The following RBFOX1 variants were observed in gnomAD, a reference collection of about 807,000 sequenced individuals.
RBFOX1 encodes RNA binding protein fox-1 homolog 1.
In RBFOX1, 8 loss-of-function variants were observed where a neutral mutation model predicts 57.7. The observed-to-expected ratio is 0.14, with a 90% confidence interval of 0.08 to 0.25. The LOEUF is 0.25. Among genes scored for constraint, RBFOX1 ranks in the 10% least tolerant of loss-of-function variants. RBFOX1 has a pLI of 1.00. For missense variants in RBFOX1, 611 were observed against 548.5 expected, an observed-to-expected ratio of 1.11 and a Z score of -1.14; for synonymous variants, 326 against 222.4, an observed-to-expected ratio of 1.47 and a Z score of -4.15.
intron 1 of RBFOX1, among the ~76,000 whole-genome samples, chr16:6,213,229 A>G (rs941824931): frequency 4.6e-5 from 7 of 151,938 alleles, no homozygotes; most frequent in Admixed American, 3.3e-4. Context: ...GGATAGCTTT[A>G]TGAGCTCTTT....
intron 3 of RBFOX1, among the ~76,000 whole-genome samples, chr16:6,841,068 T>A (rs937367788): frequency 6.6e-6 from 1 of 152,054 alleles, no homozygotes; most frequent in Non-Finnish European, 1.5e-5. Flanking sequence ...GCCACCTGTT[T>A]GTTTGTTTTT....
At chr16:6,156,438 G>C (rs2096838958) in intron 1 of RBFOX1, among the ~76,000 whole-genome samples, 1 of 152,216 alleles carries the variant, frequency 6.6e-6, no homozygotes, top group Non-Finnish European at 1.5e-5. Context: ...ATTTGTCTTG[G>C]ATGAACATGC....
At chr16:6,261,047 A>T (rs1331450651) in intron 1 of RBFOX1, among the ~76,000 whole-genome samples, 2 of 152,204 alleles carry the variant, frequency 1.3e-5, no homozygotes, top group Non-Finnish European at 2.9e-5. Flanking sequence ...GAGTGCTATC[A>T]TCAACTTGTA....
chr16:5,398,990 C>G (rs1200764593), intron 1 of RBFOX1, among the ~76,000 whole-genome samples: 2 of 152,234 alleles, frequency 1.3e-5, no homozygotes, highest in Non-Finnish European at 2.9e-5. Flanking sequence ...TTCTCCTTCT[C>G]TTCCCGCATT....
At chr16:6,029,651 T>C (rs2095258997) in intron 1 of RBFOX1, among the ~76,000 whole-genome samples, 1 of 151,602 alleles carries the variant, frequency 6.6e-6, no homozygotes, top group Non-Finnish European at 1.5e-5. Context: ...CGGGTGCCTG[T>C]AGTCCCAGCT....
intron 4 of RBFOX1, among the ~76,000 whole-genome samples, chr16:7,210,878 G>A (rs992500867): frequency 6.6e-6 from 1 of 151,736 alleles, no homozygotes; most frequent in Admixed American, 6.6e-5. Context: ...CTGGTAATTT[G>A]CCAAAAGGGT....
At position 6,407,867 on chromosome 16, in the gene RBFOX1, C is replaced by T. The variant is rs188592661; in HGVS notation, c.-64+90810C>T. On this transcript the variant is annotated intron_variant, in intron 2 of 15. Transcript: ENST00000550418. ...TGGACCCCAGCCTTTGTGAGTAGAT[C>T]CCCACTATGTTCTGAATGTTCGCTT... Among the ~76,000 whole-genome samples, 116 of 152,194 alleles carry T rather than the reference C, an allele frequency of 7.6e-4. 1 individual carries two copies. Among genetic ancestry groups the T allele is most frequent in the African/African-American group, 2.6e-3 (106 of 41,510 alleles).
chr16:7,087,511 T>G (rs2060172141), intron 4 of RBFOX1, among the ~76,000 whole-genome samples: 1 of 143,634 alleles, frequency 7.0e-6, no homozygotes, highest in Non-Finnish European at 1.5e-5. Context: ...TAAGCAGGCT[T>G]GACAGAAAAG....
At chr16:5,710,294 G>T (rs960445134) in intron 3 of RBFOX1, among the ~76,000 whole-genome samples, 1 of 152,160 alleles carries the variant, frequency 6.6e-6, no homozygotes, top group East Asian at 1.9e-4. Context: ...CTAGAGCGAG[G>T]CTTGGCAACC....
chr16:7,109,476 G>A (rs76662646), intron 4 of RBFOX1, among the ~76,000 whole-genome samples: 3 of 152,130 alleles, frequency 2.0e-5, no homozygotes, highest in South Asian at 2.1e-4. Flanking sequence ...ATGGAAGGAA[G>A]GTGGTGCACC....
At chr16:7,021,883 CTTTCTTTCTTTCT>C (rs1568406731) in intron 3 of RBFOX1, among the ~76,000 whole-genome samples, 1 of 123,990 alleles carries the variant, frequency 8.1e-6, no homozygotes, top group South Asian at 2.8e-4. Flanking sequence ...CTTTCTCTCT[CTTTCTTTCTTTCT>C]TTTCTTTCTT....
intron 4 of RBFOX1, among the ~76,000 whole-genome samples, chr16:7,116,004 T>C (rs1475015829): frequency 1.3e-5 from 2 of 152,184 alleles, no homozygotes; most frequent in African/African-American, 2.4e-5. Context: ...GGAGTAACCA[T>C]TGTGCCAGGC....
intron 4 of RBFOX1, among the ~76,000 whole-genome samples, chr16:7,261,742 T>C (rs893197297): frequency 6.6e-6 from 1 of 152,152 alleles, no homozygotes; most frequent in Non-Finnish European, 1.5e-5. Flanking sequence ...ATCTACCTGA[T>C]AGGATGGTGA....
intron 3 of RBFOX1, among the ~76,000 whole-genome samples, chr16:6,990,160 T>C (rs1229859674): frequency 6.6e-6 from 1 of 152,184 alleles, no homozygotes; most frequent in East Asian, 1.9e-4. Context: ...AGGGATTCAG[T>C]AAGTATGTGT....
chr16:7,319,167 C>G (rs1034466707), intron 4 of RBFOX1, among the ~76,000 whole-genome samples: 1 of 152,138 alleles, frequency 6.6e-6, no homozygotes, highest in Non-Finnish European at 1.5e-5. Flanking sequence ...ATCTTTGAGG[C>G]CAGCCAGGGA....
chr16:7,713,139 CTA>C lies in RBFOX1; in HGVS notation c.*2396_*2397del, dbSNP rs778235894. 2.0e-5 allele frequency: 3 copies of C among 152,142 alleles called. No homozygotes were observed. The highest frequency in any genetic ancestry group is 1.3e-4 in the Admixed American group (2 of 15,286). 9.4% of individuals were successfully genotyped at this position (152,142 alleles called of 1,614,324 possible). On this transcript the variant is annotated 3_prime_UTR_variant, in exon 16 of 16. Transcript: ENST00000550418. ...GGAATGTTTTCATTTATCTAAATAA[CTA>C]TTGCTATTATGAATTATGGAAAATT...
chr16:5,726,308 T>G (rs564298826), intron 3 of RBFOX1, among the ~76,000 whole-genome samples: 36 of 152,196 alleles, frequency 2.4e-4, no homozygotes, highest in Non-Finnish European at 4.9e-4. Flanking sequence ...GCCAGATTTG[T>G]CAGGCCTGAC....
intron 3 of RBFOX1, among the ~76,000 whole-genome samples, chr16:5,642,375 TC>T (rs1462536806): frequency 6.6e-6 from 1 of 152,172 alleles, no homozygotes; most frequent in Non-Finnish European, 1.5e-5. Flanking sequence ...TCCAGACCTT[TC>T]CAGGTTGATA....
intron 3 of RBFOX1, among the ~76,000 whole-genome samples, chr16:6,905,930 C>T (rs900082655): frequency 2.6e-5 from 4 of 152,188 alleles, no homozygotes; most frequent in African/African-American, 7.2e-5. Flanking sequence ...TGACTTCCTT[C>T]TGCCCTTGTG....
Sources: allele counts gnomAD v4.1 joint callset (sites outside exome capture counted in the v4.1 genomes callset), GRCh38; gene constraint gnomAD v4.1.1; transcripts MANE v1.5; gene names NCBI Gene and HGNC (gene_info 2026-07-23, HGNC 2026-07-21).